MAP6D1: variants seen among roughly 807,000 people sequenced by gnomAD.
MAP6D1 encodes MAP6 domain-containing protein 1.
In MAP6D1, 13 loss-of-function variants were observed where a neutral mutation model predicts 17.4. The ratio of observed to expected loss-of-function variants is 0.75; its 90% CI spans 0.49 to 1.19. The LOEUF is 1.19. Ranked by LOEUF, MAP6D1 falls within the 50% of genes most tolerant of loss-of-function variation. The probability of loss-of-function intolerance (pLI) is 0.00; values close to 1 mark genes in which losing one functional copy is unlikely to be tolerated. For missense variants in MAP6D1, 313 were observed against 312.6 expected, an observed-to-expected ratio of 1.00 and a Z score of -0.01; for synonymous variants, 141 against 145.7, an observed-to-expected ratio of 0.97 and a Z score of 0.23.
At chr3:183,819,831 T>C (rs1727205042) in intron 1 of MAP6D1, among the ~76,000 whole-genome samples, 1 of 152,202 alleles carries the variant, frequency 6.6e-6, no homozygotes, top group Non-Finnish European at 1.5e-5. Context: ...CTGTTGTGAG[T>C]CTTCGTTTCG....
chr3:183,819,964 G>A (rs1357476300), intron 1 of MAP6D1, among the ~76,000 whole-genome samples: 1 of 152,210 alleles, frequency 6.6e-6, no homozygotes. Context: ...AGTGGGCGGG[G>A]CTAGCAACTG....
intron 1 of MAP6D1, among the ~76,000 whole-genome samples, chr3:183,821,102 A>G (rs1241146780): frequency 2.6e-5 from 4 of 151,164 alleles, no homozygotes; most frequent in South Asian, 2.1e-4. Flanking sequence ...TCAAAAAAAA[A>G]AAAAAGAAAA....
chr3:183,825,098 C>T, intron 1 of MAP6D1, 49 bp downstream of exon 1: 2 of 1,313,288 alleles, frequency 1.5e-6, no homozygotes, highest in Non-Finnish European at 2.0e-6. Context: ...GCCTCCGCGT[C>T]CTCCCACCAC....
At chr3:183,821,168 C>T (rs914574557) in intron 1 of MAP6D1, among the ~76,000 whole-genome samples, 2 of 152,130 alleles carry the variant, frequency 1.3e-5, no homozygotes, top group Non-Finnish European at 2.9e-5. Context: ...CCCCAACAAG[C>T]CCCGACTCCT....
chr3:183,817,503 C>T, intron 2 of MAP6D1, 67 bp from the exon 3 acceptor site: 1 of 1,403,424 alleles, frequency 7.1e-7, no homozygotes, highest in Non-Finnish European at 9.7e-7. Flanking sequence ...TCCCCACTAC[C>T]CAGCTCCAGG....
intron 1 of MAP6D1, among the ~76,000 whole-genome samples, chr3:183,822,275 AC>A: frequency 6.8e-6 from 1 of 146,068 alleles, no homozygotes; most frequent in South Asian, 2.1e-4. Context: ...ACACACACAC[AC>A]ACACACACAC....
rs1166307553 is a variant in MAP6D1, at chr3:183,825,405, G to A, written c.143C>T (p.Ser48Leu). The A allele has an allele frequency of 3.3e-5, 47 of 1,443,672 alleles. No individual in the cohort carries two copies. The highest frequency in any genetic ancestry group is 3.9e-5 in the Non-Finnish European group (43 of 1,102,856). The allele number at this position is 1,443,672 out of a possible 1,614,324, so 89.4% of individuals were successfully genotyped here. Reference protein sequence around the residue: ...SEEPGTGGAASRRGQPPAGAR... With the variant: ...SEEPGTGGAALRRGQPPAGAR... ...GCCCGCGGGAGGCTGGCCCCTGCGC[G>A]AGGCGGCGCCGCCCGTGCCCGGCTC... is the stretch of plus-strand genomic sequence containing the variant. The change falls in exon 1 of 3, where the codon TCG becomes TTG. Residue 48 changes from serine (S) to leucine (L), a missense_variant. Coordinates refer to ENST00000318631, the MANE Select transcript of MAP6D1 (RefSeq NM_024871.4).
Position 183,825,526 on chromosome 3 carries a change from G to A in MAP6D1, c.22C>T (p.Arg8Cys). 7.2e-7 allele frequency: 1 copy of A among 1,380,514 alleles called. No individual in the cohort carries two copies. 85.5% of individuals were successfully genotyped at this position (1,380,514 alleles called of 1,614,324 possible). A position where few individuals can be genotyped will look rare whatever the true frequency, so the allele number is the denominator to read the frequency against. The change falls in exon 1 of 3, where the codon CGC becomes TGC. Residue 8 changes from arginine to cysteine, a missense_variant. Coordinates refer to ENST00000318631, the MANE Select transcript of MAP6D1 (RefSeq NM_024871.4). MAWPCIS[R>C]LCCLARRWNQ... ...CAGCGCCGCGCCAGGCAGCACAGGCGGCTGATACAGGGCCACGCCATGCCA... is the reference window on the plus strand; with the variant it reads ...CAGCGCCGCGCCAGGCAGCACAGGCAGCTGATACAGGGCCACGCCATGCCA...
Position 183,818,049 on chromosome 3 carries a change from C to G in MAP6D1, c.464G>C (p.Arg155Pro). ...TCCCGAAGTGTGGGTTGTGATGACT[C>G]GGGCTGGTTTTGTCTTTGTGGATCT... ...PSRSTKTKPA[R>P]VITTHTSGWD... is the part of the protein sequence containing the mutation. The change falls in exon 2 of 3, where the codon CGA becomes CCA. Residue 155 changes from arginine (R) to proline (P), a missense_variant. Arg to Pro is a moderately radical substitution (Grantham distance 103). Coordinates refer to ENST00000318631, the MANE Select transcript of MAP6D1 (RefSeq NM_024871.4). The G allele has an allele frequency of 6.2e-7, 1 of 1,614,164 alleles. No homozygotes were observed. Among genetic ancestry groups the G allele is most frequent in the Non-Finnish European group, 8.5e-7 (1 of 1,180,032 alleles).
Position 183,817,240 on chromosome 3 carries a change from G to A in MAP6D1, c.*116C>T. 3 of 1,033,992 alleles carry A rather than the reference G, an allele frequency of 2.9e-6. No homozygotes were observed. The highest frequency in any genetic ancestry group is 4.4e-6 in the Non-Finnish European group (3 of 687,408). 64.1% of individuals were successfully genotyped at this position (1,033,992 alleles called of 1,614,324 possible). A position where few individuals can be genotyped will look rare whatever the true frequency, so the allele number is the denominator to read the frequency against. ...GGCCCTGGTGACAGCTTTGAGAGGGGCTGTGCCCTCCCGCAGGGGCCCATG... is the reference window on the plus strand; with the variant it reads ...GGCCCTGGTGACAGCTTTGAGAGGGACTGTGCCCTCCCGCAGGGGCCCATG... On this transcript the variant is annotated 3_prime_UTR_variant, in exon 3 of 3. Transcript: ENST00000318631.
rs2108561029 is a variant in MAP6D1 at position 183,817,182 on chromosome 3, T to G, written c.*174A>C. 3.2e-6 allele frequency: 2 copies of G among 621,434 alleles called. No homozygotes were observed. Among genetic ancestry groups the G allele is most frequent in the South Asian group, 3.8e-5 (2 of 52,940 alleles). The allele number at this position is 621,434 out of a possible 1,614,324, so 38.5% of individuals were successfully genotyped here. A position where few individuals can be genotyped will look rare whatever the true frequency, so the allele number is the denominator to read the frequency against. ...TTGAGGCTGAGCTGGGTGTGCCAAG[T>G]CCATCGGTGCATCTGCTCCACACCA... On this transcript the variant is annotated 3_prime_UTR_variant, in exon 3 of 3. Transcript: ENST00000318631.
chr3:183,825,046 G>A lies in MAP6D1; in HGVS notation c.401+101C>T, dbSNP rs926877517. 1.7e-5 allele frequency: 21 copies of A among 1,201,008 alleles called. 1 individual carries two copies. In the Admixed American group the frequency reaches 5.5e-4, roughly 32 times the overall value. The allele number at this position is 1,201,008 out of a possible 1,614,324, so 74.4% of individuals were successfully genotyped here. The stretch of plus-strand genomic sequence containing the variant: ...GAGGTCGCGTGGGATCCGGGCTCCA[G>A]GCGCCTCCGCTCTGCCGCCCACCCC... On this transcript the variant is annotated intron_variant, in intron 1 of 2. Coordinates refer to ENST00000318631, the MANE Select transcript of MAP6D1 (RefSeq NM_024871.4).
At chr3:183,822,988 A>G (rs563427733) in intron 1 of MAP6D1, among the ~76,000 whole-genome samples, 2 of 152,334 alleles carry the variant, frequency 1.3e-5, no homozygotes, top group African/African-American at 2.4e-5. Context: ...GGGATGTTCT[A>G]GCAGAGGCTT....
intron 1 of MAP6D1, among the ~76,000 whole-genome samples, chr3:183,822,255 AC>A (rs1727275469): frequency 6.2e-5 from 1 of 16,228 alleles, no homozygotes; most frequent in Non-Finnish European, 1.7e-4. Context: ...ACACACACAC[AC>A]ACACACACAC....
chr3:183,820,695 C>G (rs1044033111), intron 1 of MAP6D1, among the ~76,000 whole-genome samples: 3 of 151,718 alleles, frequency 2.0e-5, no homozygotes, highest in African/African-American at 7.3e-5. Context: ...ATCAGGAGAT[C>G]GAGACCATCC....
intron 1 of MAP6D1, among the ~76,000 whole-genome samples, chr3:183,820,638 G>A (rs918629030): frequency 4.1e-4 from 62 of 152,040 alleles, no homozygotes; most frequent in South Asian, 6.2e-4. Flanking sequence ...AGTGGCTCAT[G>A]CCTGTAATCC....
At chr3:183,819,426 C>T (rs529026765) in intron 1 of MAP6D1, among the ~76,000 whole-genome samples, 2 of 152,370 alleles carry the variant, frequency 1.3e-5, no homozygotes, top group Non-Finnish European at 2.9e-5. Context: ...TTGGGCCTGG[C>T]ATCCTGAGCC....
In MAP6D1 at chr3:183,816,933, G is replaced by C. The variant is rs965364550; in HGVS notation, c.*423C>G. On this transcript the variant is annotated 3_prime_UTR_variant, in exon 3 of 3. Transcript: ENST00000318631. ...GGAAGAGCCAAGGGTCTCACTGTAG[G>C]TTATGAAATTAATCAAGTGCTCACG... is the stretch of plus-strand genomic sequence containing the variant. 4.9e-6 allele frequency: 1 copy of C among 203,410 alleles called. No individual in the cohort carries two copies. Among genetic ancestry groups the C allele is most frequent in the African/African-American group, 2.4e-5 (1 of 42,058 alleles). 12.6% of individuals were successfully genotyped at this position (203,410 alleles called of 1,614,324 possible).
At chr3:183,819,495 A>G (rs1212854260) in intron 1 of MAP6D1, among the ~76,000 whole-genome samples, 1 of 152,182 alleles carries the variant, frequency 6.6e-6, no homozygotes, top group African/African-American at 2.4e-5. Flanking sequence ...GCCACAGACG[A>G]CAGCAATCCT....
Sources: gnomAD v4.1 joint callset for allele counts (sites outside exome capture counted in the v4.1 genomes callset) on GRCh38, gnomAD v4.1.1 for gene constraint, MANE v1.5 for transcripts, NCBI Gene and HGNC (gene_info 2026-07-23, HGNC 2026-07-21) for gene names.